The following KCND2 variants were observed in gnomAD, a reference collection of about 807,000 sequenced individuals.
KCND2 encodes the protein A-type voltage-gated potassium channel KCND2.
KCND2 carries 16 observed loss-of-function variants against 54.4 expected under a neutral mutation model. That is an observed-to-expected ratio of 0.29 (90% CI 0.20 to 0.45). The LOEUF (loss-of-function observed/expected upper bound fraction) is 0.45, where lower values mean the gene tolerates loss of function less well. Ranked by LOEUF, KCND2 falls within the 20% of genes least tolerant of loss-of-function variation. KCND2 has a pLI of 1.00. For synonymous variants in KCND2, 317 were observed against 310.7 expected, an observed-to-expected ratio of 1.02 and a Z score of -0.21; for missense variants, 486 against 824.2, an observed-to-expected ratio of 0.59 and a Z score of 5.02.
At chr7:120,464,547 A>G (rs1168820868) in intron 1 of KCND2, among the ~76,000 whole-genome samples, 1 of 152,190 alleles carries the variant, frequency 6.6e-6, no homozygotes, top group Non-Finnish European at 1.5e-5. Context: ...ACAATTAGTT[A>G]TTATCTCACA....
chr7:120,378,118 C>T (rs1800861620), intron 1 of KCND2, among the ~76,000 whole-genome samples: 1 of 151,794 alleles, frequency 6.6e-6, no homozygotes, highest in South Asian at 2.1e-4. Flanking sequence ...ACAAATGTTA[C>T]TCTCTTTTCT....
chr7:120,344,920 C>G (rs1027897541), intron 1 of KCND2, among the ~76,000 whole-genome samples: 2 of 152,102 alleles, frequency 1.3e-5, no homozygotes, highest in Non-Finnish European at 2.9e-5. Context: ...TTAAGGAGCT[C>G]ACAGCTGGGA....
chr7:120,684,307 T>C (rs966629651), intron 1 of KCND2, among the ~76,000 whole-genome samples: 10 of 152,138 alleles, frequency 6.6e-5, no homozygotes, highest in Admixed American at 5.2e-4. Context: ...CATGACTTAA[T>C]CTAGTACACG....
At position 120,466,388 on chromosome 7, in the gene KCND2, T is replaced by TAA. The variant is rs1178570466; in HGVS notation, c.1115+190641_1115+190642insAA. ...GGATTTGAAAAAAACTAAAATAGGT[T>TAA]GGCAGCCAGTGATAGCATAGCCAAT... On this transcript the variant is annotated intron_variant, in intron 1 of 5. Coordinates refer to ENST00000331113, the MANE Select transcript of KCND2 (RefSeq NM_012281.3). Among the ~76,000 whole-genome samples, 10 of 152,276 alleles carry TAA rather than the reference T, an allele frequency of 6.6e-5. 1 individual carries two copies. The East Asian group carries it at 1.9e-3, about 29-fold the overall frequency.
chr7:120,307,226 C>A (rs1024688373), intron 1 of KCND2, among the ~76,000 whole-genome samples: 2 of 151,542 alleles, frequency 1.3e-5, no homozygotes, highest in African/African-American at 4.8e-5. Flanking sequence ...GAAAAAAAAA[C>A]CTTCACATCA....
intron 1 of KCND2, among the ~76,000 whole-genome samples, chr7:120,381,750 G>T (rs990274432): frequency 6.6e-6 from 1 of 151,994 alleles, no homozygotes; most frequent in Non-Finnish European, 1.5e-5. Context: ...GAGCAAATGG[G>T]TTCTGTGATA....
intron 1 of KCND2, among the ~76,000 whole-genome samples, chr7:120,330,137 T>A (rs1800041852): frequency 6.6e-6 from 1 of 152,162 alleles, no homozygotes; most frequent in African/African-American, 2.4e-5. Flanking sequence ...ATTCACTAGA[T>A]ATGTGAACCT....
intron 1 of KCND2, among the ~76,000 whole-genome samples, chr7:120,464,488 T>C (rs1802338895): frequency 6.6e-6 from 1 of 152,162 alleles, no homozygotes; most frequent in Non-Finnish European, 1.5e-5. Context: ...TGTATTCATT[T>C]CTTTATTGAT....
intron 1 of KCND2, among the ~76,000 whole-genome samples, chr7:120,515,809 T>C (rs1803188051): frequency 6.6e-6 from 1 of 152,060 alleles, no homozygotes; most frequent in African/African-American, 2.4e-5. Context: ...AACGTTGAAA[T>C]GGCAGATCCT....
intron 1 of KCND2, among the ~76,000 whole-genome samples, chr7:120,568,299 C>T (rs560237035): frequency 6.6e-6 from 1 of 151,944 alleles, no homozygotes; most frequent in African/African-American, 2.4e-5. Flanking sequence ...ATTATTGGAC[C>T]CTGGAACTGC....
At chr7:120,291,300 G>T (rs1007186841) in intron 1 of KCND2, among the ~76,000 whole-genome samples, 2 of 151,768 alleles carry the variant, frequency 1.3e-5, no homozygotes, top group African/African-American at 4.8e-5. Context: ...TTTATTTTAT[G>T]GTCTTAACAC....
At chr7:120,561,244 A>G (rs1792228846) in intron 1 of KCND2, among the ~76,000 whole-genome samples, 1 of 152,210 alleles carries the variant, frequency 6.6e-6, no homozygotes, top group African/African-American at 2.4e-5. Flanking sequence ...AAAAGATGGT[A>G]TGTTCTTGTT....
At chr7:120,608,046 C>G (rs1017046936) in intron 1 of KCND2, among the ~76,000 whole-genome samples, 5 of 151,048 alleles carry the variant, frequency 3.3e-5, no homozygotes, top group African/African-American at 1.2e-4. Flanking sequence ...TGGTATAGAG[C>G]CACAAAAGAT....
At chr7:120,411,019 T>A (rs1381144274) in intron 1 of KCND2, among the ~76,000 whole-genome samples, 1 of 151,918 alleles carries the variant, frequency 6.6e-6, no homozygotes, top group Non-Finnish European at 1.5e-5. Context: ...GAAGACATGA[T>A]TGTATATTCA....
rs10594846 is a variant in KCND2 at position 120,511,024 on chromosome 7, T to TCACACA, written c.1116-221855_1116-221850dup. The stretch of plus-strand genomic sequence containing the variant: ...CCCCATCTCTCTCTCTCTCTCTCTC[T>TCACACA]CACACACACACACACACACACACAC... On this transcript the variant is annotated intron_variant, in intron 1 of 5. Coordinates refer to ENST00000331113, the MANE Select transcript of KCND2 (RefSeq NM_012281.3). Among the ~76,000 whole-genome samples, 290 of 145,080 alleles carry TCACACA rather than the reference T, an allele frequency of 2.0e-3. 2 individuals are homozygous for TCACACA. The highest frequency in any genetic ancestry group is 6.3e-3 in the African/African-American group (247 of 38,962).
intron 1 of KCND2, among the ~76,000 whole-genome samples, chr7:120,441,782 G>A (rs540861436): frequency 3.4e-4 from 51 of 152,104 alleles, no homozygotes; most frequent in African/African-American, 1.0e-3. Flanking sequence ...TATGCTTATC[G>A]GAGATAAAGA....
chr7:120,279,238 A>C (rs527721473), intron 1 of KCND2, among the ~76,000 whole-genome samples: 1 of 152,162 alleles, frequency 6.6e-6, no homozygotes, highest in African/African-American at 2.4e-5. Flanking sequence ...TGATCTGGAA[A>C]TTAGAAGTGG....
At chr7:120,369,728 A>T (rs534021538) in intron 1 of KCND2, among the ~76,000 whole-genome samples, 1 of 152,164 alleles carries the variant, frequency 6.6e-6, no homozygotes, top group South Asian at 2.1e-4. Flanking sequence ...TTTGTTTATT[A>T]AAAAGAAGCT....
At chr7:120,743,797 G>A (rs1562925970) in intron 4 of KCND2, among the ~76,000 whole-genome samples, 1 of 152,218 alleles carries the variant, frequency 6.6e-6, no homozygotes, top group Non-Finnish European at 1.5e-5. Context: ...GCAGTGTCCA[G>A]ATAATGTTAG....
Sources: gnomAD v4.1 joint callset for allele counts (sites outside exome capture counted in the v4.1 genomes callset) on GRCh38, gnomAD v4.1.1 for gene constraint, MANE v1.5 for transcripts, NCBI Gene and HGNC (gene_info 2026-07-23, HGNC 2026-07-21) for gene names.